Variants in GALNT17 observed in about 807,000 individuals in gnomAD.
The protein encoded by GALNT17 is UDP-GalNAc:polypeptide N-acetylgalactosaminyltransferase-like 3.
GALNT17 carries 29 observed loss-of-function variants against 63.7 expected under a neutral mutation model. The observed-to-expected ratio is 0.46, with a 90% CI of 0.34 to 0.62. The LOEUF is 0.62. Among genes scored for constraint, GALNT17 ranks in the 20% least tolerant of loss-of-function variants. The pLI, the probability that GALNT17 is intolerant of heterozygous loss-of-function variation, is 0.01. For synonymous variants in GALNT17, 305 were observed against 318.3 expected (o/e 0.96, Z 0.45); for missense variants, 603 against 799.6 (o/e 0.75, Z 2.97).
chr7:71,166,492 C>T lies in GALNT17; in HGVS notation c.238+33452C>T, dbSNP rs76739462. Among the ~76,000 whole-genome samples, 270 of 152,294 alleles carry T rather than the reference C, an allele frequency of 1.8e-3. 5 individuals are homozygous for T. The East Asian group carries it at 0.042, about 24-fold the overall frequency. On this transcript the variant is annotated intron_variant, in intron 1 of 10. Transcript: ENST00000333538. ...CCAAAAGACTGTGCCTCGACTCATC[C>T]GTCGTGTCTTCCTGTCCCTGCCATC...
Position 71,212,294 on chromosome 7 carries a change from T to G in GALNT17, c.238+79254T>G, listed in dbSNP as rs1486479737. On this transcript the variant is annotated intron_variant, in intron 1 of 10. Transcript: ENST00000333538. ...AAGCCTTGGCAGCTTCCACATGTTG[T>G]TGAACCTGAGGGTGCACAGAAGTCA... Among the ~76,000 whole-genome samples, 19 of 152,332 alleles carry G rather than the reference T, an allele frequency of 1.2e-4. No individual in the cohort carries two copies. In the East Asian group the frequency reaches 3.5e-3, roughly 28 times the overall value.
chr7:71,617,732 T>TCCCTGGTTCAAGCACTTC (rs1249980101), intron 6 of GALNT17, among the ~76,000 whole-genome samples: 3 of 151,982 alleles, frequency 2.0e-5, no homozygotes, highest in Non-Finnish European at 4.4e-5. Context: ...AACCTCCACC[T>TCCCTGGTTCAAGCACTTC]CCCTGGTTCA....
chr7:71,416,518 A>C (rs1323774986), intron 4 of GALNT17, among the ~76,000 whole-genome samples: 4 of 152,088 alleles, frequency 2.6e-5, no homozygotes, highest in Non-Finnish European at 5.9e-5. Flanking sequence ...AGGCTGAGGC[A>C]GGAGAATCGC....
At chr7:71,519,979 A>G (rs183248128) in intron 5 of GALNT17, among the ~76,000 whole-genome samples, 26 of 152,338 alleles carry the variant, frequency 1.7e-4, no homozygotes, top group Admixed American at 1.7e-3. Flanking sequence ...ATATATAAAA[A>G]TCATGCAGAA....
chr7:71,406,571 G>A (rs540653499), intron 3 of GALNT17, among the ~76,000 whole-genome samples: 205 of 152,054 alleles, frequency 1.3e-3, no homozygotes, highest in African/African-American at 4.3e-3. Context: ...GTTTCTCCCC[G>A]CGCCACCATC....
intron 1 of GALNT17, among the ~76,000 whole-genome samples, chr7:71,321,645 T>C (rs1245698040): frequency 7.0e-6 from 1 of 143,596 alleles, no homozygotes; most frequent in African/African-American, 2.6e-5. Flanking sequence ...TCTTGCTCTG[T>C]CACGCAGGCT....
At chr7:71,356,128 C>T (rs1307413480) in intron 2 of GALNT17, among the ~76,000 whole-genome samples, 1 of 152,026 alleles carries the variant, frequency 6.6e-6, no homozygotes, top group Non-Finnish European at 1.5e-5. Context: ...AGACGCCCAC[C>T]ACCACATCAG....
At chr7:71,276,465 G>A (rs1320576479) in intron 1 of GALNT17, among the ~76,000 whole-genome samples, 1 of 152,200 alleles carries the variant, frequency 6.6e-6, no homozygotes, top group Non-Finnish European at 1.5e-5. Flanking sequence ...CACATGTCGT[G>A]GGAGGGACCC....
intron 1 of GALNT17, among the ~76,000 whole-genome samples, chr7:71,160,847 T>C (rs1788329562): frequency 1.3e-5 from 2 of 152,182 alleles, no homozygotes; most frequent in Admixed American, 6.5e-5. Flanking sequence ...TTTTATTTTG[T>C]TGTTTTTTAC....
intron 9 of GALNT17, among the ~76,000 whole-genome samples, chr7:71,704,481 C>A: frequency 8.2e-6 from 1 of 121,352 alleles, no homozygotes; most frequent in African/African-American, 3.0e-5. Flanking sequence ...ATCAAAATGC[C>A]AACTGCCTTT....
intron 6 of GALNT17, among the ~76,000 whole-genome samples, chr7:71,631,600 G>C (rs892442669): frequency 1.3e-5 from 2 of 152,138 alleles, no homozygotes; most frequent in African/African-American, 4.8e-5. Context: ...GAACAAGCTT[G>C]GTCCAGTTGA....
At chr7:71,331,759 T>C (rs1791812210) in intron 1 of GALNT17, among the ~76,000 whole-genome samples, 2 of 152,128 alleles carry the variant, frequency 1.3e-5, no homozygotes, top group Admixed American at 6.6e-5. Flanking sequence ...CCCAGTGTCC[T>C]CGTTTGTGAA....
intron 2 of GALNT17, among the ~76,000 whole-genome samples, chr7:71,352,106 T>C (rs900747982): frequency 1.3e-5 from 2 of 152,070 alleles, no homozygotes; most frequent in Non-Finnish European, 2.9e-5. Flanking sequence ...TGGGTGAAAA[T>C]TGAATCATGA....
At chr7:71,159,650 C>T (rs1478454786) in intron 1 of GALNT17, among the ~76,000 whole-genome samples, 1 of 148,178 alleles carries the variant, frequency 6.7e-6, no homozygotes, top group Non-Finnish European at 1.5e-5. Flanking sequence ...CAGAAACGGG[C>T]AGACCTACTA....
chr7:71,486,166 T>C (rs1787905385), intron 5 of GALNT17, among the ~76,000 whole-genome samples: 1 of 151,038 alleles, frequency 6.6e-6, no homozygotes, highest in African/African-American at 2.4e-5. Flanking sequence ...CCATTTCTAC[T>C]AAAAATGCAA....
chr7:71,404,970 C>T (rs1409108431), intron 3 of GALNT17, among the ~76,000 whole-genome samples: 1 of 152,244 alleles, frequency 6.6e-6, no homozygotes, highest in Non-Finnish European at 1.5e-5. Flanking sequence ...TCTTCACTCT[C>T]TGAAACTGGT....
intron 6 of GALNT17, among the ~76,000 whole-genome samples, chr7:71,592,608 T>TAAAATAAAATAAAATAAAG (rs1285616594): frequency 1.8e-5 from 1 of 56,860 alleles, no homozygotes; most frequent in Non-Finnish European, 4.5e-5. Flanking sequence ...ATAAAATAAA[T>TAAAATAAAATAAAATAAAG]AAAGCATGCA....
intron 5 of GALNT17, among the ~76,000 whole-genome samples, chr7:71,432,707 T>C (rs571475835): frequency 2.6e-5 from 4 of 152,246 alleles, no homozygotes; most frequent in Non-Finnish European, 4.4e-5. Flanking sequence ...ATGGCTCTGG[T>C]CTGTAATCTT....
chr7:71,386,690 G>T (rs772101487), intron 2 of GALNT17, among the ~76,000 whole-genome samples: 21 of 152,192 alleles, frequency 1.4e-4, no homozygotes, highest in South Asian at 8.3e-4. Context: ...CACTGCGCTC[G>T]GGCATATGAG....
Sources: allele counts gnomAD v4.1 joint callset (sites outside exome capture counted in the v4.1 genomes callset), GRCh38; gene constraint gnomAD v4.1.1; transcripts MANE v1.5; gene names NCBI Gene and HGNC (gene_info 2026-07-23, HGNC 2026-07-21).